HNRNPH1: variants seen among roughly 807,000 people sequenced by gnomAD.
HNRNPH1 encodes heterogeneous nuclear ribonucleoprotein H1, also known as heterogeneous nuclear ribonucleoprotein H.
HNRNPH1 carries 4 observed loss-of-function variants against 58.6 expected under a neutral mutation model. The ratio of observed to expected loss-of-function variants is 0.07; its 90% CI spans 0.03 to 0.16. The LOEUF is 0.16. Among genes scored for constraint, HNRNPH1 ranks in the 10% least tolerant of loss-of-function variants. The pLI, the probability that HNRNPH1 is intolerant of heterozygous loss-of-function variation, is 1.00. For missense variants in HNRNPH1, 271 were observed against 564.2 expected (o/e 0.48, Z 5.26); for synonymous variants, 192 against 189.2 (o/e 1.01, Z -0.12).
intron 4 of HNRNPH1, 141 bp downstream of exon 5, chr5:179,619,128 T>C (rs1174627676): frequency 1.4e-6 from 1 of 733,068 alleles, no homozygotes; most frequent in Admixed American, 2.9e-5. Context: ...AACGTGGGAC[T>C]GACACAAGTT....
At chr5:179,621,874 T>C (rs1772538878) in intron 1 of HNRNPH1, 1 of 452,126 alleles carries the variant, frequency 2.2e-6, no homozygotes, top group Admixed American at 2.4e-5. Flanking sequence ...CAAGCTAAAA[T>C]GCTCCAAGTT....
rs185197158 is a variant in HNRNPH1 at position 179,631,230 on chromosome 5, T to G, written c.-32+2835A>C. Among the ~76,000 whole-genome samples the G allele has an allele frequency of 3.3e-5, 5 of 152,252 alleles. No homozygotes were observed. The East Asian group carries it at 9.6e-4, about 29-fold the overall frequency. ...AAAGATATACGTTACGGTATATCTATGTTATTAAAATATCATGTGGTGGGA... is the reference window on the plus strand; with the variant it reads ...AAAGATATACGTTACGGTATATCTAGGTTATTAAAATATCATGTGGTGGGA... On this transcript the variant is annotated intron_variant, in intron 2 of 4. Coordinates refer to the HNRNPH1 transcript ENST00000521116.
At chr5:179,625,667 A>C (rs1444695096), upstream of HNRNPH1, among the ~76,000 whole-genome samples, 1 of 151,962 alleles carries the variant, frequency 6.6e-6, no homozygotes, top group Non-Finnish European at 1.5e-5. Context: ...CTCAAAAAAA[A>C]AAAAAAAAAG....
At chr5:179,627,809 C>A (rs1774518158), upstream of HNRNPH1, among the ~76,000 whole-genome samples, 1 of 148,426 alleles carries the variant, frequency 6.7e-6, no homozygotes, top group South Asian at 2.1e-4. Context: ...GTAATCCCAG[C>A]TACTTGGGAG....
At chr5:179,630,783 C>T (rs1301342143) in intron 2 of HNRNPH1, among the ~76,000 whole-genome samples, 3 of 151,514 alleles carry the variant, frequency 2.0e-5, no homozygotes, top group Non-Finnish European at 4.4e-5. Flanking sequence ...TGGTGACGGG[C>T]GCCTGTAGTC....
intron 1 of HNRNPH1, chr5:179,621,989 AGT>A: frequency 2.2e-6 from 1 of 456,330 alleles, no homozygotes; most frequent in South Asian, 1.5e-5. Flanking sequence ...AAATTCAGAT[AGT>A]AAGTCAATAC....
intron 12 of HNRNPH1, 132 bp from the exon 14 acceptor site, chr5:179,615,091 T>G: frequency 6.1e-6 from 4 of 650,988 alleles, no homozygotes; most frequent in Non-Finnish European, 1.1e-5. Context: ...AGACGCATGT[T>G]TGGGAAAGGG....
intron 2 of HNRNPH1, 79 bp from the exon 4 acceptor site, chr5:179,621,114 T>C (rs529901479): frequency 1.3e-6 from 2 of 1,533,968 alleles, no homozygotes; most frequent in South Asian, 2.3e-5. Context: ...TTAGATAAGC[T>C]AGGAAGAGCT....
At chr5:179,633,461 ATTTTTTTTTTTTTT>A (rs762139490) in intron 2 of HNRNPH1, among the ~76,000 whole-genome samples, 2 of 102,602 alleles carry the variant, frequency 1.9e-5, no homozygotes, top group Non-Finnish European at 3.7e-5. Flanking sequence ...CACCCGGCTA[ATTTTTTTTTTTTTT>A]TTTTTTTTTT....
chr5:179,632,624 C>T (rs1046261413), intron 2 of HNRNPH1, among the ~76,000 whole-genome samples: 2 of 152,366 alleles, frequency 1.3e-5, no homozygotes, highest in Non-Finnish European at 2.9e-5. Flanking sequence ...GGACCGAGCA[C>T]GCCCTCTCCG....
In HNRNPH1 at chr5:179,617,978, TCTTAC is replaced by T. The variant is rs777846035; in HGVS notation, c.787+6_787+10del. ...GCATCCTTCAACTGAGAAATTCAAT[TCTTAC>T]CTTACCTCTTCCAAATCTATCTGAC... On this transcript the variant is annotated splice_donor_region_variant and intron_variant, in intron 6 of 12. Transcript: ENST00000356731. The T allele has an allele frequency of 2.5e-6, 4 of 1,613,942 alleles. No homozygotes were observed. The highest frequency in any genetic ancestry group is 3.4e-6 in the Non-Finnish European group (4 of 1,179,948).
exon 1 of HNRNPH1, chr5:179,624,280 G>T (rs1167032987): frequency 5.2e-6 from 2 of 384,042 alleles, no homozygotes; most frequent in Admixed American, 4.5e-5. Context: ...GGTGCCTGGG[G>T]CACGTCCCAG....
Position 179,617,145 on chromosome 5 carries a change from T to C in HNRNPH1, c.1058-35A>G, listed in dbSNP as rs191020707. On this transcript the variant is annotated intron_variant, in intron 8 of 12. Transcript: ENST00000356731. ...GAAAAAAAAAGTTTGAAAATGTTTG[T>C]TGGTGAAACAAAACAGAATAAGCAC... 849 of 1,596,770 alleles carry C rather than the reference T, an allele frequency of 5.3e-4. 3 individuals carry two copies. The African/African-American group carries it at 0.01, about 20-fold the overall frequency.
chr5:179,616,472 A>G (rs1026564518), intron 10 of HNRNPH1: 1 of 542,538 alleles, frequency 1.8e-6, no homozygotes, highest in Non-Finnish European at 3.3e-6. Flanking sequence ...CCGTAAGTAG[A>G]GGCATTTTGT....
intron 4 of HNRNPH1, 28 bp downstream of exon 5, chr5:179,619,241 A>C (rs1771196195): frequency 2.5e-6 from 4 of 1,572,066 alleles, no homozygotes; most frequent in Non-Finnish European, 3.5e-6. Flanking sequence ...AAGAAAAGTG[A>C]CATATCCAAC....
At chr5:179,615,774 C>A in intron 11 of HNRNPH1, 179 bp from the exon 13 acceptor site, 1 of 515,364 alleles carries the variant, frequency 1.9e-6, no homozygotes, top group Non-Finnish European at 3.5e-6. Context: ...TAATGCTAAC[C>A]AAAAGACAAA....
At chr5:179,620,739 A>T in intron 3 of HNRNPH1, 153 bp downstream of exon 4, 2 of 645,728 alleles carry the variant, frequency 3.1e-6, no homozygotes, top group Non-Finnish European at 5.4e-6. Context: ...AGATGGGCTT[A>T]AATTATTTGA....
At chr5:179,617,472 CA>C (rs753074665) in intron 8 of HNRNPH1, 41 bp downstream of exon 9, 3 of 1,593,712 alleles carry the variant, frequency 1.9e-6, no homozygotes, top group Non-Finnish European at 2.6e-6. Flanking sequence ...GTTAGTCACA[CA>C]ATCACCTGTT....
At chr5:179,630,357 T>A (rs939887889) in intron 2 of HNRNPH1, among the ~76,000 whole-genome samples, 1 of 149,492 alleles carries the variant, frequency 6.7e-6, no homozygotes, top group African/African-American at 2.5e-5. Flanking sequence ...CTCAAAAAAA[T>A]AAATAAATAA....
Sources: gnomAD v4.1 joint callset for allele counts (sites outside exome capture counted in the v4.1 genomes callset) on GRCh38, gnomAD v4.1.1 for gene constraint, MANE v1.5 for transcripts, NCBI Gene and HGNC (gene_info 2026-07-23, HGNC 2026-07-21) for gene names.